The following MCF2L2 variants were observed in gnomAD, a reference collection of about 807,000 sequenced individuals.
MCF2L2 encodes the protein MCF.2 cell line derived transforming sequence-like 2.
In MCF2L2, 102 loss-of-function variants were observed where a neutral mutation model predicts 150.2. The ratio of observed to expected loss-of-function variants is 0.68; its 90% CI spans 0.58 to 0.80. The LOEUF is 0.80. MCF2L2 is among the 30% of genes least tolerant of loss of function. The pLI, the probability that MCF2L2 is intolerant of heterozygous loss-of-function variation, is 0.00. For missense variants in MCF2L2, 1,256 were observed against 1,372.8 expected (o/e 0.91, Z 1.34); for synonymous variants, 465 against 491.3 (o/e 0.95, Z 0.71).
chr3:183,375,898 C>T (rs577314980), intron 3 of MCF2L2: 50 of 152,306 alleles, frequency 3.3e-4, no homozygotes, highest in African/African-American at 1.2e-3. Context: ...TGGTTTCATT[C>T]TTTGAAATCT....
intron 1 of MCF2L2, among the ~76,000 whole-genome samples, chr3:183,402,451 C>CAAAAAAAAAAAA (rs779201489): frequency 0.016 from 872 of 54,696 alleles, 61 homozygotes; most frequent in Non-Finnish European, 0.03. Flanking sequence ...GAGACTCCAT[C>CAAAAAAAAAAAA]AAAAAAAAAA....
intron 1 of MCF2L2, among the ~76,000 whole-genome samples, chr3:183,397,903 A>G (rs1714550217): frequency 6.6e-6 from 1 of 152,072 alleles, no homozygotes; most frequent in Admixed American, 6.5e-5. Flanking sequence ...TGATAAAGCC[A>G]TAGAATACTA....
intron 15 of MCF2L2, among the ~76,000 whole-genome samples, chr3:183,250,410 A>G (rs1724462744): frequency 6.6e-6 from 1 of 151,944 alleles, no homozygotes; most frequent in African/African-American, 2.4e-5. Flanking sequence ...ACATGGTGAA[A>G]CCCCATCTCC....
chr3:183,364,050 A>G (rs1712372365), intron 3 of MCF2L2, among the ~76,000 whole-genome samples: 1 of 152,242 alleles, frequency 6.6e-6, no homozygotes, highest in African/African-American at 2.4e-5. Flanking sequence ...AAATGTAATG[A>G]CAAAGAAAAC....
intron 5 of MCF2L2, among the ~76,000 whole-genome samples, chr3:183,331,323 C>T (rs1309508439): frequency 6.6e-6 from 1 of 152,204 alleles, no homozygotes; most frequent in Non-Finnish European, 1.5e-5. Context: ...TCCCCAGTAG[C>T]CCATGCGGCG....
At position 183,289,156 on chromosome 3, in the gene MCF2L2, C is replaced by G; in HGVS notation, c.1740G>C (p.Arg580=). 4 of 1,613,962 alleles carry G rather than the reference C, an allele frequency of 2.5e-6. No homozygotes were observed. The highest frequency in any genetic ancestry group is 3.4e-6 in the Non-Finnish European group (4 of 1,179,920). The change falls in exon 14 of 30, where the codon CGG becomes CGC. Residue 580 remains arginine (R), a synonymous_variant. Coordinates refer to ENST00000328913, the MANE Select transcript of MCF2L2 (RefSeq NM_015078.4). The stretch of plus-strand genomic sequence containing the variant: ...ATTTAGTCTCATCATCTTCCTTTCC[C>G]CGGGAGTTCAACTCTGTCTCCGTAT... ...EPYTETELNS[R]GKEDDETKFE... is the part of the protein sequence containing the mutation.
chr3:183,267,184 C>T lies in MCF2L2; in HGVS notation c.1862+9688G>A, dbSNP rs1179447059. On this transcript the variant is annotated intron_variant, in intron 15 of 29. Coordinates refer to ENST00000328913, the MANE Select transcript of MCF2L2 (RefSeq NM_015078.4). The surrounding 1 kb of genome is among the most constrained non-coding windows in gnomAD (Gnocchi z 5.5). ...CAAAAGTTTCACAAAATGATTCTTG[C>T]TCTTACTACTCTCAGTACACTCTGT... Among the ~76,000 whole-genome samples the T allele has an allele frequency of 1.3e-5, 2 of 152,104 alleles. No homozygotes were observed. Among genetic ancestry groups the T allele is most frequent in the African/African-American group, 4.8e-5 (2 of 41,392 alleles).
At chr3:183,359,442 C>T (rs936708065) in intron 3 of MCF2L2, among the ~76,000 whole-genome samples, 5 of 152,192 alleles carry the variant, frequency 3.3e-5, no homozygotes, top group Non-Finnish European at 7.3e-5. Flanking sequence ...GAAAGATTTT[C>T]TTATTCTTTA....
intron 10 of MCF2L2, among the ~76,000 whole-genome samples, chr3:183,301,623 C>T (rs1728851878): frequency 6.6e-6 from 1 of 152,032 alleles, no homozygotes; most frequent in Admixed American, 6.6e-5. Flanking sequence ...AGGGAAACCC[C>T]ATCTCTACTA....
rs1729077535 is a variant in MCF2L2, at chr3:183,305,984, C to A, written c.1113+3732G>T. Reference sequence around the variant, plus strand: ...CACCAACCATATTGCAAGCTGACCACATGAAGTCCCTACCACACATCTAAC... The same window carrying A: ...CACCAACCATATTGCAAGCTGACCAAATGAAGTCCCTACCACACATCTAAC... On this transcript the variant is annotated intron_variant, in intron 10 of 29. Coordinates refer to ENST00000328913, the MANE Select transcript of MCF2L2 (RefSeq NM_015078.4). The surrounding 1 kb of genome is among the most constrained non-coding windows in gnomAD (Gnocchi z 4.1). 6.6e-6 allele frequency among the ~76,000 whole-genome samples: 1 copy of A among 152,234 alleles called. No individual in the cohort carries two copies. Among genetic ancestry groups the A allele is most frequent in the Admixed American group, 6.5e-5 (1 of 15,280 alleles).
chr3:183,292,632 C>T (rs529373309), intron 13 of MCF2L2, among the ~76,000 whole-genome samples: 18 of 151,736 alleles, frequency 1.2e-4, no homozygotes, highest in Non-Finnish European at 2.2e-4. Context: ...TGATACATGA[C>T]TATTTAAAGC....
intron 3 of MCF2L2, among the ~76,000 whole-genome samples, chr3:183,343,457 G>T (rs1730778915): frequency 6.7e-6 from 1 of 149,894 alleles, no homozygotes. Context: ...TGCAACCTCT[G>T]CCTCCAGGGT....
chr3:183,289,086 G>A (rs746112334), intron 14 of MCF2L2, 34 bp downstream of exon 14: 2 of 1,404,768 alleles, frequency 1.4e-6, no homozygotes, highest in East Asian at 4.6e-5. Context: ...CCTCTTGTCA[G>A]GAAGTTCTAT....
chr3:183,380,862 G>T (rs932067858), intron 2 of MCF2L2, among the ~76,000 whole-genome samples: 40 of 152,184 alleles, frequency 2.6e-4, no homozygotes, highest in African/African-American at 9.4e-4. Flanking sequence ...TAGTTTGATT[G>T]CAAGGTTTAA....
At chr3:183,251,554 T>C (rs1209301641) in intron 15 of MCF2L2, among the ~76,000 whole-genome samples, 1 of 152,240 alleles carries the variant, frequency 6.6e-6, no homozygotes, top group Non-Finnish European at 1.5e-5. Flanking sequence ...CACAGGGCTC[T>C]CTGCTTACCA....
intron 14 of MCF2L2, among the ~76,000 whole-genome samples, chr3:183,281,362 C>CTTTTT (rs773642295): frequency 8.2e-6 from 1 of 121,756 alleles, no homozygotes; most frequent in African/African-American, 3.1e-5. Flanking sequence ...GGAACCTCAC[C>CTTTTT]TTTTTTTTTT....
At chr3:183,246,475 G>A (rs9875721) in intron 15 of MCF2L2, among the ~76,000 whole-genome samples, 46,758 of 152,036 alleles carry the variant, frequency 0.31, 7,639 homozygotes, top group African/African-American at 0.41. Context: ...TTCACGTAGC[G>A]TAATGCTTTC....
rs1003134598 is a variant in MCF2L2, at chr3:183,283,533, T to G, written c.1776+5587A>C. Among the ~76,000 whole-genome samples the G allele has an allele frequency of 4.6e-5, 7 of 152,066 alleles. No homozygotes were observed. The highest frequency in any genetic ancestry group is 1.0e-4 in the Non-Finnish European group (7 of 67,976). The stretch of plus-strand genomic sequence containing the variant: ...TTTCAGAGTTCTATTTATTCTTTTT[T>G]TTTTTTTAGATGGAGTCTCACTCTG... On this transcript the variant is annotated intron_variant, in intron 14 of 29. Coordinates refer to ENST00000328913, the MANE Select transcript of MCF2L2 (RefSeq NM_015078.4). This position sits in a 1 kb window ranked among gnomAD's most constrained non-coding sequence, Gnocchi z 4.2.
intron 21 of MCF2L2, among the ~76,000 whole-genome samples, chr3:183,218,402 GA>G (rs956408309): frequency 1.3e-5 from 2 of 152,090 alleles, no homozygotes; most frequent in Admixed American, 6.5e-5. Context: ...TTGGGAGGCC[GA>G]GGGGGGGAGT....
Sources: allele counts gnomAD v4.1 joint callset (sites outside exome capture counted in the v4.1 genomes callset), GRCh38; gene constraint gnomAD v4.1.1; non-coding constraint Gnocchi (gnomAD v3.1); transcripts MANE v1.5; gene names NCBI Gene and HGNC (gene_info 2026-07-23, HGNC 2026-07-21).